Variants in PPP2R3A observed in about 807,000 individuals in gnomAD.
The protein encoded by PPP2R3A is serine/threonine-protein phosphatase 2A regulatory subunit B'' subunit alpha.
In PPP2R3A, 80 loss-of-function variants were observed where a neutral mutation model predicts 106.9. The ratio of observed to expected loss-of-function variants is 0.75; its 90% CI spans 0.62 to 0.90. The LOEUF (loss-of-function observed/expected upper bound fraction) is 0.90. Ranked by LOEUF, PPP2R3A falls within the 40% of genes least tolerant of loss-of-function variation. PPP2R3A has a pLI of 0.00. For synonymous variants in PPP2R3A, 483 were observed against 468.3 expected (o/e 1.03, Z -0.41); for missense variants, 1,386 against 1,350.4 (o/e 1.03, Z -0.41).
chr3:136,077,761 A>G (rs1468479054), intron 6 of PPP2R3A, among the ~76,000 whole-genome samples: 1 of 152,238 alleles, frequency 6.6e-6, no homozygotes, highest in Non-Finnish European at 1.5e-5. Flanking sequence ...ATTCTATCCA[A>G]GGTTTTCTCC....
At chr3:136,114,567 A>C (rs1937667684) in intron 13 of PPP2R3A, among the ~76,000 whole-genome samples, 1 of 152,178 alleles carries the variant, frequency 6.6e-6, no homozygotes, top group African/African-American at 2.4e-5. Flanking sequence ...CAACAGTCTG[A>C]GGTCAACCTG....
intron 5 of PPP2R3A, among the ~76,000 whole-genome samples, chr3:136,049,793 CTG>C (rs1185769422): frequency 6.6e-6 from 1 of 152,224 alleles, no homozygotes; most frequent in Non-Finnish European, 1.5e-5. Context: ...CTCACGAACT[CTG>C]GGGTCTTCAC....
intron 1 of PPP2R3A, among the ~76,000 whole-genome samples, chr3:135,999,659 TAC>T (rs983806186): frequency 1.3e-5 from 2 of 152,214 alleles, no homozygotes; most frequent in Non-Finnish European, 2.9e-5. Context: ...TTTCAAAACT[TAC>T]TCAAAGACCT....
intron 13 of PPP2R3A, among the ~76,000 whole-genome samples, chr3:136,113,256 A>G (rs111519409): frequency 0.044 from 6,770 of 152,280 alleles, 524 homozygotes; most frequent in African/African-American, 0.15. Context: ...CATGGTGCTG[A>G]TACAAAAACA....
intron 13 of PPP2R3A, among the ~76,000 whole-genome samples, chr3:136,116,012 C>G (rs972026723): frequency 6.6e-6 from 1 of 152,026 alleles, no homozygotes; most frequent in South Asian, 2.1e-4. Context: ...TCTGGTTACC[C>G]ACAAAGGGAA....
chr3:136,114,560 C>G (rs1937667608), intron 13 of PPP2R3A, among the ~76,000 whole-genome samples: 1 of 152,180 alleles, frequency 6.6e-6, no homozygotes, highest in Non-Finnish European at 1.5e-5. Flanking sequence ...GCCAGCACAA[C>G]AGTCTGAGGT....
At chr3:136,139,385 A>T (rs1192582126) in intron 13 of PPP2R3A, among the ~76,000 whole-genome samples, 2 of 152,092 alleles carry the variant, frequency 1.3e-5, no homozygotes, top group Non-Finnish European at 2.9e-5. Context: ...CCTCATGCTA[A>T]CAAAACTATG....
At chr3:135,985,255 G>A (rs147196123) in intron 1 of PPP2R3A, among the ~76,000 whole-genome samples, 96 of 151,984 alleles carry the variant, frequency 6.3e-4, no homozygotes, top group African/African-American at 2.2e-3. Context: ...TACAAGAAGG[G>A]TCAGCATAGC....
intron 2 of PPP2R3A, among the ~76,000 whole-genome samples, chr3:136,018,487 A>G (rs1445485201): frequency 6.6e-6 from 1 of 152,218 alleles, no homozygotes; most frequent in East Asian, 1.9e-4. Flanking sequence ...CTTCGTTTTC[A>G]AAGGGGGAAG....
chr3:136,082,889 C>T (rs541195912), intron 8 of PPP2R3A, among the ~76,000 whole-genome samples: 3 of 152,300 alleles, frequency 2.0e-5, no homozygotes, highest in African/African-American at 4.8e-5. Context: ...CAGAAAGATA[C>T]GTCTCTGCAG....
chr3:135,971,362 GT>G (rs1324664509), intron 1 of PPP2R3A, among the ~76,000 whole-genome samples: 1 of 152,110 alleles, frequency 6.6e-6, no homozygotes, highest in Non-Finnish European at 1.5e-5. Flanking sequence ...TTTAGGATGG[GT>G]TGTAATGCAA....
At chr3:136,030,816 ATG>A (rs1559878262) in intron 3 of PPP2R3A, among the ~76,000 whole-genome samples, 9 of 147,024 alleles carry the variant, frequency 6.1e-5, no homozygotes, top group South Asian at 4.3e-4. Context: ...GTATGTATGT[ATG>A]TATGTATACA....
At chr3:136,106,376 A>T in intron 13 of PPP2R3A, 54 bp downstream of exon 13, 1 of 1,453,516 alleles carries the variant, frequency 6.9e-7, no homozygotes, top group Non-Finnish European at 9.6e-7. Flanking sequence ...GCGCATGTCC[A>T]GAGTATTAAA....
intron 1 of PPP2R3A, among the ~76,000 whole-genome samples, chr3:135,971,412 C>T (rs1394615897): frequency 6.6e-6 from 1 of 152,176 alleles, no homozygotes; most frequent in Non-Finnish European, 1.5e-5. Flanking sequence ...ATTTCTGCCA[C>T]ATTGGCAACC....
chr3:136,019,046 C>T (rs530617548), intron 2 of PPP2R3A, among the ~76,000 whole-genome samples: 164 of 152,294 alleles, frequency 1.1e-3, no homozygotes, highest in African/African-American at 3.6e-3. Context: ...GCTCTCTTAT[C>T]GTTGTCATCC....
intron 1 of PPP2R3A, among the ~76,000 whole-genome samples, chr3:135,980,380 T>C (rs1170097745): frequency 6.6e-6 from 1 of 151,258 alleles, no homozygotes; most frequent in Non-Finnish European, 1.5e-5. Flanking sequence ...ACAGAAGACT[T>C]GTTTGAAAAG....
Position 136,145,439 on chromosome 3 carries a change from G to A in PPP2R3A, c.*273G>A, listed in dbSNP as rs919314106. On this transcript the variant is annotated 3_prime_UTR_variant, in exon 14 of 14. Coordinates refer to ENST00000264977, the MANE Select transcript of PPP2R3A (RefSeq NM_002718.5). ...ACTCTACACTCTTGAATGTACCAAGGATCTCTTGGCGACAGTACCAAGCAC... is the reference window on the plus strand; with the variant it reads ...ACTCTACACTCTTGAATGTACCAAGAATCTCTTGGCGACAGTACCAAGCAC... 2 of 235,646 alleles carry A rather than the reference G, an allele frequency of 8.5e-6. No individual in the cohort carries two copies. Among genetic ancestry groups the A allele is most frequent in the Non-Finnish European group, 1.6e-5 (2 of 121,640 alleles). 14.6% of individuals were successfully genotyped at this position (235,646 alleles called of 1,614,324 possible). A position where few individuals can be genotyped will look rare whatever the true frequency, so the allele number is the denominator to read the frequency against.
At chr3:136,086,880 T>TA (rs1366139152) in intron 8 of PPP2R3A, among the ~76,000 whole-genome samples, 1 of 152,170 alleles carries the variant, frequency 6.6e-6, no homozygotes. Flanking sequence ...CCTGAAATTT[T>TA]AGTGTGCATG....
At chr3:136,086,949 C>T (rs368518230) in intron 8 of PPP2R3A, among the ~76,000 whole-genome samples, 1 of 152,166 alleles carries the variant, frequency 6.6e-6, no homozygotes, top group South Asian at 2.1e-4. Flanking sequence ...CGCCTGTATT[C>T]CTAGCACTTT....
Sources: gnomAD v4.1 joint callset for allele counts (sites outside exome capture counted in the v4.1 genomes callset) on GRCh38, gnomAD v4.1.1 for gene constraint, MANE v1.5 for transcripts, NCBI Gene and HGNC (gene_info 2026-07-23, HGNC 2026-07-21) for gene names.